CTNNA2: variants seen among roughly 807,000 people sequenced by gnomAD.
CTNNA2 encodes catenin alpha-2.
In CTNNA2, 42 loss-of-function variants were observed where a neutral mutation model predicts 101.0. The observed-to-expected ratio is 0.42, with a 90% confidence interval of 0.32 to 0.54. CTNNA2 has a LOEUF of 0.54. Among genes scored for constraint, CTNNA2 ranks in the 20% least tolerant of loss-of-function variants. The pLI is 0.14. For missense variants in CTNNA2, 871 were observed against 1,223.1 expected (o/e 0.71, Z 4.29); for synonymous variants, 450 against 456.4 (o/e 0.99, Z 0.18).
At chr2:79,958,176 G>A (rs80057581) in intron 7 of CTNNA2, among the ~76,000 whole-genome samples, 4,915 of 151,858 alleles carry the variant, frequency 0.032, 274 homozygotes, top group African/African-American at 0.11. Flanking sequence ...TTTCCTTTTC[G>A]TTTGTCTATC....
At chr2:80,636,759 T>A (rs575967849) in intron 18 of CTNNA2, among the ~76,000 whole-genome samples, 2 of 152,146 alleles carry the variant, frequency 1.3e-5, no homozygotes, top group Non-Finnish European at 2.9e-5. Flanking sequence ...CCAGGCTAGA[T>A]TGCCTTTCCT....
chr2:79,836,815 G>C (rs1184655571), intron 3 of CTNNA2, among the ~76,000 whole-genome samples: 4 of 152,018 alleles, frequency 2.6e-5, no homozygotes, highest in African/African-American at 9.6e-5. Flanking sequence ...TGTCACTCAG[G>C]CTGGAGAGCA....
chr2:80,539,473 G>A (rs536216775), intron 9 of CTNNA2, among the ~76,000 whole-genome samples: 2 of 150,852 alleles, frequency 1.3e-5, no homozygotes, highest in South Asian at 2.1e-4. Context: ...ACAGGCAATC[G>A]TAAAATAAAT....
At chr2:80,589,938 G>T (rs1696320277) in intron 15 of CTNNA2, among the ~76,000 whole-genome samples, 1 of 150,398 alleles carries the variant, frequency 6.6e-6, no homozygotes. Context: ...ATAGTATGTT[G>T]TAATATTAGC....
chr2:79,890,300 A>T (rs1231854499), intron 6 of CTNNA2, among the ~76,000 whole-genome samples: 1 of 152,214 alleles, frequency 6.6e-6, no homozygotes, highest in African/African-American at 2.4e-5. Context: ...TATTTTAAAC[A>T]TGTTCTGTCC....
intron 2 of CTNNA2, among the ~76,000 whole-genome samples, chr2:79,287,828 C>T (rs915704003): frequency 6.6e-5 from 10 of 152,306 alleles, no homozygotes; most frequent in South Asian, 2.1e-4. Context: ...TGGGCAATGG[C>T]GGGCGCCCCT....
At chr2:80,057,203 G>A (rs1697274209) in intron 7 of CTNNA2, among the ~76,000 whole-genome samples, 1 of 147,136 alleles carries the variant, frequency 6.8e-6, no homozygotes. Context: ...GGAAGACTGA[G>A]ACATAACTCT....
chr2:80,123,447 G>T (rs924510351), intron 7 of CTNNA2, among the ~76,000 whole-genome samples: 2 of 121,976 alleles, frequency 1.6e-5, no homozygotes, highest in Non-Finnish European at 1.8e-5. Context: ...TAGTGGTGCA[G>T]AAAAAAAAAA....
chr2:79,264,662 G>A (rs1674967251), intron 2 of CTNNA2, among the ~76,000 whole-genome samples: 1 of 151,842 alleles, frequency 6.6e-6, no homozygotes, highest in Non-Finnish European at 1.5e-5. Context: ...GAGTCAGGAT[G>A]GTGACTTTTT....
chr2:80,451,134 A>G (rs141362406), intron 9 of CTNNA2, among the ~76,000 whole-genome samples: 1 of 152,154 alleles, frequency 6.6e-6, no homozygotes, highest in Non-Finnish European at 1.5e-5. Context: ...ATTAAGAGTC[A>G]TGTCTTATAA....
At chr2:79,652,871 A>G (rs1160588927) in intron 2 of CTNNA2, among the ~76,000 whole-genome samples, 1 of 152,156 alleles carries the variant, frequency 6.6e-6, no homozygotes, top group Non-Finnish European at 1.5e-5. Flanking sequence ...CTCAAGTTCA[A>G]AATATCATCT....
chr2:80,295,239 T>TG (rs397690146), intron 7 of CTNNA2, among the ~76,000 whole-genome samples: 3 of 151,734 alleles, frequency 2.0e-5, no homozygotes, highest in Non-Finnish European at 4.4e-5. Flanking sequence ...TTTTTTTTTT[T>TG]GTGGGTAGGG....
At chr2:80,178,199 C>A (rs982340825) in intron 7 of CTNNA2, among the ~76,000 whole-genome samples, 2 of 152,174 alleles carry the variant, frequency 1.3e-5, no homozygotes, top group Admixed American at 6.5e-5. Context: ...CCCCAAGGAC[C>A]TGTTCAAGCC....
In CTNNA2 at chr2:79,694,753, A is replaced by G. The variant is rs117393359; in HGVS notation, c.102+43095A>G. Among the ~76,000 whole-genome samples the G allele has an allele frequency of 7.4e-4, 113 of 152,044 alleles. No individual in the cohort carries two copies. In the East Asian group the frequency reaches 0.021, roughly 28 times the overall value. On this transcript the variant is annotated intron_variant, in intron 2 of 18. Transcript: ENST00000402739. ...GTTCTAAATTCTTTCATGTCCCCACATAAAGAACTAAAAGTAATTTTAATA... is the reference window on the plus strand; with the variant it reads ...GTTCTAAATTCTTTCATGTCCCCACGTAAAGAACTAAAAGTAATTTTAATA...
At chr2:79,308,782 G>GTTTT (rs10691338) in intron 2 of CTNNA2, among the ~76,000 whole-genome samples, 11,072 of 135,942 alleles carry the variant, frequency 0.081, 453 homozygotes, top group Middle Eastern at 0.093. Flanking sequence ...TCATTTTATG[G>GTTTT]TTTTTTTTTT....
intron 7 of CTNNA2, among the ~76,000 whole-genome samples, chr2:80,054,056 C>T (rs1697053476): frequency 6.6e-6 from 1 of 152,122 alleles, no homozygotes; most frequent in African/African-American, 2.4e-5. Context: ...CAAAGCTTTG[C>T]CCCCCTTGTG....
intron 2 of CTNNA2, among the ~76,000 whole-genome samples, chr2:79,687,921 G>A (rs1684046539): frequency 6.6e-6 from 1 of 152,080 alleles, no homozygotes; most frequent in Non-Finnish European, 1.5e-5. Context: ...AGTTGAACAG[G>A]AGAATCTCCG....
chr2:80,264,110 C>T (rs1218590329), intron 7 of CTNNA2, among the ~76,000 whole-genome samples: 2 of 152,120 alleles, frequency 1.3e-5, no homozygotes, highest in African/African-American at 4.8e-5. Context: ...TCATACATAT[C>T]AATGAGAATC....
At chr2:79,464,491 A>T (rs538732135) in intron 4 of CTNNA2, among the ~76,000 whole-genome samples, 5 of 152,324 alleles carry the variant, frequency 3.3e-5, no homozygotes, top group African/African-American at 9.6e-5. Flanking sequence ...TCCTTTGGGT[A>T]TATACCCAGT....
Sources: allele counts gnomAD v4.1 joint callset (sites outside exome capture counted in the v4.1 genomes callset), GRCh38; gene constraint gnomAD v4.1.1; transcripts MANE v1.5; gene names NCBI Gene and HGNC (gene_info 2026-07-23, HGNC 2026-07-21).